The following LRP1 variants were observed in gnomAD, a reference collection of about 807,000 sequenced individuals.
LRP1 encodes LDL receptor related protein 1, also known as prolow-density lipoprotein receptor-related protein 1.
A neutral mutation model predicts 541.5 loss-of-function variants in LRP1; 51 were observed. The ratio of observed to expected loss-of-function variants is 0.09; its 90% CI spans 0.08 to 0.12. The LOEUF (loss-of-function observed/expected upper bound fraction) is 0.12, where lower values mean the gene tolerates loss of function less well. Ranked by LOEUF, LRP1 falls within the 10% of genes least tolerant of loss-of-function variation. The pLI is 1.00. For synonymous variants in LRP1, 2,219 were observed against 2,470.8 expected (o/e 0.90, Z 3.02); for missense variants, 3,878 against 6,376.2 (o/e 0.61, Z 13.34).
chr12:57,200,423 G>GCCCCCCCCTGC lies in LRP1; in HGVS notation c.10015-14_10015-13insCCCTGCCCCCC. 1.4e-6 allele frequency: 1 copy of GCCCCCCCCTGC among 702,026 alleles called. No homozygotes were observed. Among genetic ancestry groups the GCCCCCCCCTGC allele is most frequent in the Admixed American group, 2.3e-5 (1 of 42,878 alleles). 43.5% of individuals were successfully genotyped at this position (702,026 alleles called of 1,614,324 possible). On this transcript the variant is annotated intron_variant, in intron 62 of 88. Transcript: ENST00000243077. ...CCCCAGACCCCCACCAACCCCTCTT[G>GCCCCCCCCTGC]CCCCCACCTGCCCTCCAGTTTGTAT...
chr12:57,180,698 G>T lies in LRP1; in HGVS notation c.5418G>T (p.Ser1806=). Residue 1806 remains serine (S), a synonymous_variant, in exon 33 of 89, where the codon TCG becomes TCT. Transcript: ENST00000243077. The stretch of plus-strand genomic sequence containing the variant: ...AGCTGTGGTGGGCTGATCAGGTGTC[G>T]GAAAAGATGGGCACATGCAGCAAGG... The part of the protein sequence containing the change: ...GDKLWWADQV[S]EKMGTCSKAD... 1 of 1,614,034 alleles carries T rather than the reference G, an allele frequency of 6.2e-7. No homozygotes were observed. Among genetic ancestry groups the T allele is most frequent in the Non-Finnish European group, 8.5e-7 (1 of 1,179,902 alleles).
Position 57,134,845 on chromosome 12 carries a change from A to G in LRP1, c.68-3614A>G, listed in dbSNP as rs1003285605. On this transcript the variant is annotated intron_variant, in intron 1 of 88. Transcript: ENST00000243077. ...CTCAGCCTCCTGAGTAGCTGGGACT[A>G]CAGGCGCCTGCCACCACGCCCAGCT... 2.0e-5 allele frequency among the ~76,000 whole-genome samples: 3 copies of G among 152,074 alleles called. No homozygotes were observed. The East Asian group carries it at 5.8e-4, about 29-fold the overall frequency.
At position 57,144,998 on chromosome 12, in the gene LRP1, A is replaced by C. The variant is rs767238018; in HGVS notation, c.475A>C (p.Thr159Pro). The C allele has an allele frequency of 6.2e-7, 1 of 1,614,102 alleles. No individual in the cohort carries two copies. Among genetic ancestry groups the C allele is most frequent in the Admixed American group, 1.7e-5 (1 of 60,022 alleles). ...KDFDECSVYG[T>P]CSQLCTNTDG... ...TTTTGATGAGTGCTCAGTGTACGGC[A>C]CCTGCAGCCAGCTATGCACCAACAC... The change falls in exon 5 of 89, where the codon ACC (threonine) becomes CCC (proline). Residue 159 changes from threonine to proline, a missense_variant. Physicochemically the swap from Thr to Pro is conservative, Grantham distance 38. This residue lies in a region of LRP1 where 293 missense variants were observed against 403.7 expected (regional missense o/e 0.73). Transcript: ENST00000243077.
intron 12 of LRP1, 138 bp downstream of exon 12, chr12:57,160,143 A>T (rs538796236): frequency 1.4e-5 from 11 of 772,680 alleles, no homozygotes; most frequent in Non-Finnish European, 2.1e-5. Context: ...CTGCAAGGGG[A>T]GAAGGAGTCC....
chr12:57,197,131 C>T lies in LRP1; in HGVS notation c.9042C>T (p.Arg3014=), dbSNP rs747896966. The T allele has an allele frequency of 8.4e-5, 135 of 1,613,838 alleles. No homozygotes were observed. The highest frequency in any genetic ancestry group is 1.6e-4 in the East Asian group (7 of 44,890). The change falls in exon 56 of 89, where the codon CGC becomes CGT. Residue 3014 remains arginine, a synonymous_variant. Coordinates refer to ENST00000243077, the MANE Select transcript of LRP1 (RefSeq NM_002332.3). The surrounding 1 kb of genome is among the most constrained non-coding windows in gnomAD (Gnocchi z 4.5). ...TGTGTGTGGAGGGCTATGCACCCCG[C>T]GGCGGCGACCCCCACAGCTGCAAGG... ...KCLCVEGYAP[R]GGDPHSCKAV...
In LRP1 at chr12:57,154,788, T is replaced by C; in HGVS notation, c.1227+87T>C. On this transcript the variant is annotated intron_variant, in intron 8 of 88. Coordinates refer to ENST00000243077, the MANE Select transcript of LRP1 (RefSeq NM_002332.3). This position sits in a 1 kb window ranked among gnomAD's most constrained non-coding sequence, Gnocchi z 4.6. ...GGGGAAGCCTCTGTAGGGGAACCGT[T>C]CTCTGAGTCTCCTGGTAAAGAGCGT... 2 of 1,216,722 alleles carry C rather than the reference T, an allele frequency of 1.6e-6. No homozygotes were observed. Among genetic ancestry groups the C allele is most frequent in the South Asian group, 1.3e-5 (1 of 77,426 alleles). 75.4% of individuals were successfully genotyped at this position (1,216,722 alleles called of 1,614,324 possible).
chr12:57,206,424 G>A lies in LRP1; in HGVS notation c.11591-49G>A, dbSNP rs200977258. 31 of 1,582,548 alleles carry A rather than the reference G, an allele frequency of 2.0e-5. No individual in the cohort carries two copies. In the East Asian group the frequency reaches 2.9e-4, roughly 15 times the overall value. On this transcript the variant is annotated intron_variant, in intron 75 of 88. Coordinates refer to ENST00000243077, the MANE Select transcript of LRP1 (RefSeq NM_002332.3). This position sits in a 1 kb window ranked among gnomAD's most constrained non-coding sequence, Gnocchi z 4.7. ...TGTGAAAGGAGCTGAGCTGGGTGGG[G>A]TGCACACCTGCATCCCACAGCCCCA...
In LRP1 at chr12:57,161,088, G is replaced by A. The variant is rs765435262; in HGVS notation, c.2175G>A (p.Thr725=). ...ATGCCTTCTACGACCGCATCGAGACGATACTGCTCAATGGCACAGACCGGA... is the reference window on the plus strand; with the variant it reads ...ATGCCTTCTACGACCGCATCGAGACAATACTGCTCAATGGCACAGACCGGA... ...WVDAFYDRIE[T]ILLNGTDRKI... is the part of the protein sequence containing the mutation. The change falls in exon 13 of 89, where the codon ACG becomes ACA. Residue 725 remains threonine, a synonymous_variant. Coordinates refer to ENST00000243077, the MANE Select transcript of LRP1 (RefSeq NM_002332.3). 7 of 1,613,464 alleles carry A rather than the reference G, an allele frequency of 4.3e-6. No homozygotes were observed. The highest frequency in any genetic ancestry group is 3.3e-5 in the Admixed American group (2 of 59,996).
In LRP1 at chr12:57,191,626, A is replaced by T. The variant is rs554559745; in HGVS notation, c.7429+114A>T. On this transcript the variant is annotated intron_variant, in intron 44 of 88. Coordinates refer to ENST00000243077, the MANE Select transcript of LRP1 (RefSeq NM_002332.3). ...CACACGCACCCTACACATACCACAC[A>T]CACACATCCCACACATACTACACTA... The T allele has an allele frequency of 4.5e-5, 40 of 886,026 alleles. No individual in the cohort carries two copies. The Admixed American group carries it at 9.9e-4, about 22-fold the overall frequency. The allele number at this position is 886,026 out of a possible 1,614,324, so 54.9% of individuals were successfully genotyped here.
rs780155960 is a variant in LRP1, at chr12:57,201,790, C to T, written c.10479C>T (p.Thr3493=). Residue 3493 remains threonine (T), a synonymous_variant, in exon 67 of 89, where the codon ACC becomes ACT. Coordinates refer to ENST00000243077, the MANE Select transcript of LRP1 (RefSeq NM_002332.3). The surrounding 1 kb of genome is among the most constrained non-coding windows in gnomAD (Gnocchi z 6.4). The stretch of plus-strand genomic sequence containing the variant: ...CCCACCCGCTTGCAGCCCAGATGAC[C>T]TGTGGTGTGGACGAGTTCCGCTGCA... ...SDEPANCTQM[T]CGVDEFRCKD... The T allele has an allele frequency of 1.9e-6, 3 of 1,614,110 alleles. No homozygotes were observed. The highest frequency in any genetic ancestry group is 1.3e-5 in the African/African-American group (1 of 75,058).
At position 57,159,851 on chromosome 12, in the gene LRP1, G is replaced by A. The variant is rs1335043783; in HGVS notation, c.1825G>A (p.Val609Met). ...CATCCACAATGTGGAGGGTGTGGCCGTGGACTGGATGGGAGACAATCTGTA... is the reference window on the plus strand; with the variant it reads ...CATCCACAATGTGGAGGGTGTGGCCATGGACTGGATGGGAGACAATCTGTA... ...DGIHNVEGVA[V>M]DWMGDNLYWT... is the part of the protein sequence containing the mutation. The change falls in exon 12 of 89, where the codon GTG becomes ATG. Residue 609 changes from valine (V) to methionine (M), a missense_variant. Coordinates refer to ENST00000243077, the MANE Select transcript of LRP1 (RefSeq NM_002332.3). The A allele has an allele frequency of 2.5e-6, 4 of 1,614,186 alleles. No homozygotes were observed. The highest frequency in any genetic ancestry group is 3.3e-5 in the Admixed American group (2 of 60,028).
chr12:57,212,543 C>T lies in LRP1; in HGVS notation c.13623C>T (p.Asp4541=). 1.2e-6 allele frequency: 2 copies of T among 1,609,266 alleles called. No homozygotes were observed. The change falls in exon 89 of 89, where the codon GAC becomes GAT. Residue 4541 remains aspartate, a synonymous_variant. Transcript: ENST00000243077. The surrounding 1 kb of genome is among the most constrained non-coding windows in gnomAD (Gnocchi z 5.0). ...LGRGPEDEIG[D]PLA The stretch of plus-strand genomic sequence containing the variant: ...GGGGCCCTGAGGACGAGATAGGGGA[C>T]CCCTTGGCATAGGGCCCTGCCCCGT...
chr12:57,210,636 A>G, intron 82 of LRP1, 82 bp from the exon 83 acceptor site: 1 of 1,496,002 alleles, frequency 6.7e-7, no homozygotes, highest in Non-Finnish European at 9.1e-7. Context: ...CTTCTCGCCC[A>G]GGTCCCCCCA....
chr12:57,167,406 C>T (rs946181853), intron 18 of LRP1, 38 bp from the exon 19 acceptor site: 4 of 1,426,236 alleles, frequency 2.8e-6, no homozygotes, highest in Admixed American at 1.7e-5. Context: ...GCTGTGTAAT[C>T]GTGAAGGCCC....
rs555117081 is a variant in LRP1, at chr12:57,154,102, G to A, written c.842-106G>A. On this transcript the variant is annotated intron_variant, in intron 6 of 88. Transcript: ENST00000243077. This position sits in a 1 kb window ranked among gnomAD's most constrained non-coding sequence, Gnocchi z 4.6. The stretch of plus-strand genomic sequence containing the variant: ...GCATGGGGGTGTTGGGTGGGAGGGC[G>A]TCCAGAGAAGGTGGGCTTCCAGGTG... 67 of 1,043,868 alleles carry A rather than the reference G, an allele frequency of 6.4e-5. No homozygotes were observed. The South Asian group carries it at 7.1e-4, about 11-fold the overall frequency. 64.7% of individuals were successfully genotyped at this position (1,043,868 alleles called of 1,614,324 possible).
At chr12:57,138,271 G>A (rs1008040655) in intron 1 of LRP1, among the ~76,000 whole-genome samples, 188 bp from the exon 2 acceptor site, 6 of 151,614 alleles carry the variant, frequency 4.0e-5, no homozygotes, top group African/African-American at 1.2e-4. Flanking sequence ...CACCCCCACC[G>A]CAGATACACA....
intron 34 of LRP1, among the ~76,000 whole-genome samples, chr12:57,182,714 G>A (rs553382415): frequency 3.9e-5 from 6 of 152,102 alleles, no homozygotes; most frequent in Admixed American, 3.9e-4. Flanking sequence ...TACTCGGAAG[G>A]CTGAGGCAGG....
chr12:57,210,767 C>A lies in LRP1; in HGVS notation c.12804C>A (p.Thr4268=). 6.2e-7 allele frequency: 1 copy of A among 1,612,394 alleles called. No homozygotes were observed. Among genetic ancestry groups the A allele is most frequent in the Non-Finnish European group, 8.5e-7 (1 of 1,178,902 alleles). The stretch of plus-strand genomic sequence containing the variant: ...CGGGCTTCACGGGCCCCAAATGCAC[C>A]CAGCAGGTGTGTGCGGGCTACTGTG... ...CPTGFTGPKC[T]QQVCAGYCAN... Residue 4268 remains threonine, a synonymous_variant, in exon 83 of 89, where the codon ACC becomes ACA. Coordinates refer to ENST00000243077, the MANE Select transcript of LRP1 (RefSeq NM_002332.3).
chr12:57,208,402 C>A, intron 77 of LRP1, 186 bp downstream of exon 77: 5 of 671,548 alleles, frequency 7.4e-6, no homozygotes, highest in Non-Finnish European at 1.2e-5. Flanking sequence ...CTGCCCAGGG[C>A]CCCCAGCTGG....
Sources: gnomAD v4.1 joint callset for allele counts (sites outside exome capture counted in the v4.1 genomes callset) on GRCh38, gnomAD v4.1.1 for gene constraint, gnomAD v4.1.1 regional missense constraint, Gnocchi (gnomAD v3.1) non-coding constraint, MANE v1.5 for transcripts, NCBI Gene and HGNC (gene_info 2026-07-23, HGNC 2026-07-21) for gene names.